Variants in TRPV1 observed in about 807,000 individuals in gnomAD.
TRPV1 encodes OTRPC1.
In TRPV1, 82 loss-of-function variants were observed where a neutral mutation model predicts 82.3. The observed-to-expected ratio is 1.00, with a 90% confidence interval of 0.83 to 1.20. The LOEUF is 1.20. TRPV1 is among the 50% of genes most tolerant of loss of function. The pLI is 0.00. For missense variants in TRPV1, 1,067 were observed against 1,096.8 expected (o/e 0.97, Z 0.38); for synonymous variants, 515 against 467.7 (o/e 1.10, Z -1.30).
At chr17:3,577,214 T>C in intron 12 of TRPV1, 22 bp from the exon 13 acceptor site, 1 of 1,568,584 alleles carries the variant, frequency 6.4e-7, no homozygotes, top group Non-Finnish European at 8.6e-7. Context: ...AGCAGGCTCA[T>C]CAGAGCCGAG....
At position 3,565,536 on chromosome 17, in the gene TRPV1, G is replaced by T. The variant is rs2074749386; in HGVS notation, c.*1279C>A. 1 of 152,400 alleles carries T rather than the reference G, an allele frequency of 6.6e-6. No individual in the cohort carries two copies. The highest frequency in any genetic ancestry group is 1.9e-4 in the East Asian group (1 of 5,192). 9.4% of individuals were successfully genotyped at this position (152,400 alleles called of 1,614,324 possible). A position where few individuals can be genotyped will look rare whatever the true frequency, so the allele number is the denominator to read the frequency against. ...CGGAGAAGCAGGACTGGGGTTCCTA[G>T]AAATGGAAGATCTTTCAAACATTCT... is the stretch of plus-strand genomic sequence containing the variant. On this transcript the variant is annotated 3_prime_UTR_variant, in exon 17 of 17. Transcript: ENST00000572705.
chr17:3,591,097 G>C lies in TRPV1; in HGVS notation c.471C>G (p.Thr157=). The C allele has an allele frequency of 6.2e-7, 1 of 1,612,784 alleles. No individual in the cohort carries two copies. Among genetic ancestry groups the C allele is most frequent in the Non-Finnish European group, 8.5e-7 (1 of 1,179,456 alleles). ...GGTTGAGCATGGCTTTCAGCAGACA[G>C]GTCTTCCCTGTCTCAGGGTCTGAAA... ...NEFKDPETGK[T]CLLKAMLNLH... The change falls in exon 5 of 17, where the codon ACC becomes ACG. Residue 157 remains threonine, a synonymous_variant. Transcript: ENST00000572705.
At chr17:3,583,103 G>A (rs2075041988) in intron 10 of TRPV1, among the ~76,000 whole-genome samples, 1 of 152,164 alleles carries the variant, frequency 6.6e-6, no homozygotes, top group Non-Finnish European at 1.5e-5. Flanking sequence ...CCGTGGAGTG[G>A]CTGGAGTGTC....
At chr17:3,578,059 C>T in intron 11 of TRPV1, 1 of 240,626 alleles carries the variant, frequency 4.2e-6, no homozygotes, top group South Asian at 8.1e-5. Flanking sequence ...AATCCCAGCT[C>T]TTTGGGAGGC....
chr17:3,583,491 A>C, intron 9 of TRPV1, 61 bp from the exon 10 acceptor site: 1 of 1,354,248 alleles, frequency 7.4e-7, no homozygotes, highest in South Asian at 1.3e-5. Context: ...ACAAACATGG[A>C]CCAGGTCCAT....
At chr17:3,572,882 C>T (rs224552) in intron 14 of TRPV1, among the ~76,000 whole-genome samples, 50,178 of 149,126 alleles carry the variant, frequency 0.34, 8,637 homozygotes, top group Non-Finnish European at 0.39. Context: ...ACTAGGGAGG[C>T]TGAGGCAGAA....
chr17:3,580,603 A>C (rs2074994728), intron 10 of TRPV1, 76 bp from the exon 11 acceptor site: 1 of 1,470,214 alleles, frequency 6.8e-7, no homozygotes, highest in Non-Finnish European at 9.5e-7. Context: ...GATGCTTCCT[A>C]AATGGCACCA....
intron 9 of TRPV1, among the ~76,000 whole-genome samples, chr17:3,584,145 C>T (rs542010451): frequency 1.3e-5 from 2 of 152,166 alleles, no homozygotes; most frequent in Admixed American, 1.3e-4. Context: ...TAGCTCATGG[C>T]TGTAATCCCA....
At chr17:3,585,717 C>A in intron 9 of TRPV1, 51 bp downstream of exon 9, 1 of 1,581,078 alleles carries the variant, frequency 6.3e-7, no homozygotes, top group Non-Finnish European at 8.6e-7. Context: ...GTCCACACCC[C>A]TTCCCCACCA....
chr17:3,573,532 G>GCGCCCCCCC, intron 14 of TRPV1, 101 bp downstream of exon 14: 1 of 257,076 alleles, frequency 3.9e-6, no homozygotes, highest in South Asian at 3.0e-5. Context: ...GCCACACACC[G>GCGCCCCCCC]CCCCCACCAC....
chr17:3,568,238 C>T (rs575276459), intron 16 of TRPV1, among the ~76,000 whole-genome samples: 4 of 150,408 alleles, frequency 2.7e-5, no homozygotes, highest in South Asian at 2.1e-4. Flanking sequence ...AGGAGAATGG[C>T]GTGAACCCGG....
At position 3,585,721 on chromosome 17, in the gene TRPV1, C is replaced by T. The variant is rs1489264882; in HGVS notation, c.1383+47G>A. ...TCTCCCGAAATGTCCACACCCCTTCCCCACCACCCACACCCTCGCCCACGA... is the reference window on the plus strand; with the variant it reads ...TCTCCCGAAATGTCCACACCCCTTCTCCACCACCCACACCCTCGCCCACGA... On this transcript the variant is annotated intron_variant, in intron 9 of 16. Transcript: ENST00000572705. 3 of 1,586,016 alleles carry T rather than the reference C, an allele frequency of 1.9e-6. No individual in the cohort carries two copies. The Admixed American group carries it at 5.4e-5, about 28-fold the overall frequency.
chr17:3,597,936 T>C (rs183590554), intron 2 of TRPV1, among the ~76,000 whole-genome samples: 1 of 152,142 alleles, frequency 6.6e-6, no homozygotes, highest in South Asian at 2.1e-4. Context: ...CCTCCCAAAG[T>C]GCTGGGATTC....
In TRPV1 at chr17:3,591,054, T is replaced by C; in HGVS notation, c.514A>G (p.Thr172Ala). Residue 172 changes from threonine to alanine, a missense_variant, in exon 5 of 17, where the codon ACC becomes GCC. Coordinates refer to ENST00000572705, the MANE Select transcript of TRPV1 (RefSeq NM_080704.4). ...ATCTCCAGGAGCAGGGGGATGGTGGTGTTCTGTCCGTCGTGCAGGTTGAGC... is the reference window on the plus strand; with the variant it reads ...ATCTCCAGGAGCAGGGGGATGGTGGCGTTCTGTCCGTCGTGCAGGTTGAGC... ...AMLNLHDGQN[T>A]TIPLLLEIAR... is the part of the protein sequence containing the mutation. 6.2e-7 allele frequency: 1 copy of C among 1,613,086 alleles called. No individual in the cohort carries two copies.
intron 7 of TRPV1, chr17:3,588,848 A>T (rs1471168655): frequency 7.0e-7 from 1 of 1,432,378 alleles, no homozygotes; most frequent in Non-Finnish European, 9.4e-7. Flanking sequence ...CACAAACGTC[A>T]ACCAGCCAGC....
chr17:3,605,882 G>A (rs962480969), intron 2 of TRPV1, among the ~76,000 whole-genome samples: 12 of 152,134 alleles, frequency 7.9e-5, no homozygotes, highest in Admixed American at 3.9e-4. Context: ...CCAGGTGCAG[G>A]CTACTGAGGC....
chr17:3,608,455 G>A lies in TRPV1; in HGVS notation c.-62C>T, dbSNP rs919178597. ...AACAGAAGCACTGTGATACCAGGAC[G>A]GGCGATCTGACGACTAAGTGACTGA... On this transcript the variant is annotated 5_prime_UTR_variant, in exon 2 of 17. Transcript: ENST00000572705. 8 of 152,036 alleles carry A rather than the reference G, an allele frequency of 5.3e-5. No individual in the cohort carries two copies. Among genetic ancestry groups the A allele is most frequent in the African/African-American group, 1.4e-4 (6 of 41,382 alleles). 9.4% of individuals were successfully genotyped at this position (152,036 alleles called of 1,614,324 possible).
At chr17:3,577,453 G>T in intron 12 of TRPV1, 145 bp downstream of exon 12, 1 of 1,140,184 alleles carries the variant, frequency 8.8e-7, no homozygotes. Context: ...GGGCCAGATT[G>T]CTTGATTCTT....
Position 3,594,160 on chromosome 17 carries a change from C to A in TRPV1, c.-33-1777G>T, listed in dbSNP as rs867453920. 1.1e-3 allele frequency among the ~76,000 whole-genome samples: 122 copies of A among 115,856 alleles called. 5 individuals are homozygous for A. The highest frequency in any genetic ancestry group is 8.4e-3 in the African/African-American group (108 of 12,800). The allele number at this position is 115,856 out of a possible 152,430, so 76.0% of individuals were successfully genotyped here. A position where few individuals can be genotyped will look rare whatever the true frequency, so the allele number is the denominator to read the frequency against. ...AAAAAAAAAAAAAAAAAAGAAGCAG[C>A]AGCAGCAGCAGCAGCAGCAGCTGCA... On this transcript the variant is annotated intron_variant, in intron 2 of 16. Transcript: ENST00000572705.
Sources: allele counts gnomAD v4.1 joint callset (sites outside exome capture counted in the v4.1 genomes callset), GRCh38; gene constraint gnomAD v4.1.1; transcripts MANE v1.5; gene names NCBI Gene and HGNC (gene_info 2026-07-23, HGNC 2026-07-21).